CALN1: variants seen among roughly 807,000 people sequenced by gnomAD.
CALN1 encodes calneuron 1, also known as calcium-binding protein 8.
A neutral mutation model predicts 30.6 loss-of-function variants in CALN1; 17 were observed. That is an observed-to-expected ratio of 0.56 (90% confidence interval 0.38 to 0.83). The LOEUF is 0.83. Among genes scored for constraint, CALN1 ranks in the 40% least tolerant of loss-of-function variants. CALN1 has a pLI of 0.00. For missense variants in CALN1, 291 were observed against 354.9 expected, an observed-to-expected ratio of 0.82 and a Z score of 1.45; for synonymous variants, 156 against 131.4, an observed-to-expected ratio of 1.19 and a Z score of -1.28.
chr7:72,108,341 G>A (rs1286981592), intron 3 of CALN1, among the ~76,000 whole-genome samples: 1 of 152,230 alleles, frequency 6.6e-6, no homozygotes, highest in Non-Finnish European at 1.5e-5. Flanking sequence ...TTTTCTGTAA[G>A]ATAGCATTTA....
At chr7:71,993,222 GC>G (rs1281782309) in intron 5 of CALN1, among the ~76,000 whole-genome samples, 1 of 152,124 alleles carries the variant, frequency 6.6e-6, no homozygotes, top group Non-Finnish European at 1.5e-5. Context: ...AGCCTCTGTT[GC>G]CACCTTGACT....
At chr7:71,821,787 T>C (rs1788606831) in intron 5 of CALN1, among the ~76,000 whole-genome samples, 1 of 108,410 alleles carries the variant, frequency 9.2e-6, no homozygotes, top group Non-Finnish European at 1.8e-5. Flanking sequence ...AATGTTTCTT[T>C]CTTTTTTTTT....
intron 1 of CALN1, among the ~76,000 whole-genome samples, chr7:72,419,894 T>C (rs1807552821): frequency 6.6e-6 from 1 of 151,886 alleles, no homozygotes; most frequent in Non-Finnish European, 1.5e-5. Context: ...CCCCACACCA[T>C]CCCCTTTCCA....
At chr7:71,826,665 C>T (rs937256954) in intron 5 of CALN1, among the ~76,000 whole-genome samples, 6 of 152,112 alleles carry the variant, frequency 3.9e-5, no homozygotes, top group East Asian at 3.9e-4. Flanking sequence ...CTTGCCTGCC[C>T]GGCATCAGAT....
At chr7:71,917,413 T>A (rs1422789280) in intron 5 of CALN1, among the ~76,000 whole-genome samples, 1 of 152,194 alleles carries the variant, frequency 6.6e-6, no homozygotes, top group Non-Finnish European at 1.5e-5. Flanking sequence ...AGCAGATTGT[T>A]AAGTATCCTC....
rs6963006 is a variant in CALN1, at chr7:71,810,382, C to T, written c.612G>A (p.Glu204=). 95 of 1,614,036 alleles carry T rather than the reference C, an allele frequency of 5.9e-5. No homozygotes were observed. The highest frequency in any genetic ancestry group is 7.7e-5 in the Non-Finnish European group (91 of 1,180,036). ...DIENIIINEE[E]SLNETSGNCQ... ...AGTTCCCCGAGGTCTCATTCAGGCTCTCTTCCTCATTGATAATGATGTTCT... is the reference window on the plus strand; with the variant it reads ...AGTTCCCCGAGGTCTCATTCAGGCTTTCTTCCTCATTGATAATGATGTTCT... Residue 204 remains glutamate (E), a synonymous_variant, in exon 6 of 7, where the codon GAG becomes GAA. Transcript: ENST00000395275.
chr7:72,179,474 GT>G (rs547032590), intron 3 of CALN1, among the ~76,000 whole-genome samples: 48 of 152,158 alleles, frequency 3.2e-4, no homozygotes, highest in African/African-American at 1.1e-3. Flanking sequence ...AAACCAGCAA[GT>G]TTTCTCTAAT....
At chr7:72,034,182 T>C (rs531610720) in intron 4 of CALN1, among the ~76,000 whole-genome samples, 61 of 151,096 alleles carry the variant, frequency 4.0e-4, no homozygotes, top group African/African-American at 1.3e-3. Context: ...TGGAACCCCG[T>C]CTCTACTAAA....
intron 3 of CALN1, among the ~76,000 whole-genome samples, chr7:72,181,807 A>G (rs1434728291): frequency 6.6e-6 from 1 of 152,180 alleles, no homozygotes; most frequent in Admixed American, 6.5e-5. Context: ...TACTATATGA[A>G]AGTGAAACTT....
chr7:71,933,219 G>T (rs552884820), intron 5 of CALN1, among the ~76,000 whole-genome samples: 5 of 152,098 alleles, frequency 3.3e-5, no homozygotes, highest in African/African-American at 4.8e-5. Flanking sequence ...ACAAGATGGC[G>T]CCAGTTAAGT....
intron 2 of CALN1, among the ~76,000 whole-genome samples, chr7:72,331,544 C>G (rs1801679024): frequency 6.6e-6 from 1 of 152,144 alleles, no homozygotes; most frequent in South Asian, 2.1e-4. Flanking sequence ...AAAATTGGGG[C>G]TTAGCCTGGG....
At chr7:72,118,412 ATTTC>A (rs1426373322) in intron 3 of CALN1, among the ~76,000 whole-genome samples, 1 of 152,206 alleles carries the variant, frequency 6.6e-6, no homozygotes, top group African/African-American at 2.4e-5. Flanking sequence ...CATGAAAAGT[ATTTC>A]TTTCTTAAGC....
At chr7:72,208,345 A>G (rs898664318) in intron 3 of CALN1, among the ~76,000 whole-genome samples, 3 of 152,242 alleles carry the variant, frequency 2.0e-5, no homozygotes, top group African/African-American at 4.8e-5. Context: ...GGTGGTTTCT[A>G]ATAAGTTTGG....
chr7:72,191,648 G>T (rs552484639), intron 3 of CALN1, among the ~76,000 whole-genome samples: 2 of 151,986 alleles, frequency 1.3e-5, no homozygotes, highest in East Asian at 1.9e-4. Context: ...AGGACATGAG[G>T]CTGGTCAAAT....
chr7:72,054,482 TATATATATACATATATAC>T lies in CALN1; in HGVS notation c.389-30731_389-30714del, dbSNP rs1803091697. 2.9e-4 allele frequency among the ~76,000 whole-genome samples: 12 copies of T among 40,870 alleles called. 1 individual carries two copies. The highest frequency in any genetic ancestry group is 6.0e-4 in the Non-Finnish European group (10 of 16,626). The allele number at this position is 40,870 out of a possible 152,430, so 26.8% of individuals were successfully genotyped here. On this transcript the variant is annotated intron_variant, in intron 4 of 6. Transcript: ENST00000395275. ...ACATATATATACATATATACATACA[TATATATATACATATATAC>T]ATATATATACATATATATACATATA...
At chr7:72,397,714 T>TCTCACACACACACACACACACACACACA (rs142607076) in intron 2 of CALN1, among the ~76,000 whole-genome samples, 2 of 142,806 alleles carry the variant, frequency 1.4e-5, no homozygotes, top group Non-Finnish European at 3.0e-5. Flanking sequence ...CCATTCTCTC[T>TCTCACACACACACACACACACACACACA]CACACACACA....
At chr7:71,944,466 T>C (rs1436365598) in intron 5 of CALN1, among the ~76,000 whole-genome samples, 2 of 151,436 alleles carry the variant, frequency 1.3e-5, no homozygotes, top group African/African-American at 2.4e-5. Context: ...TGGTGGCACA[T>C]GCCTGTAATC....
chr7:71,791,881 G>A (rs1263657358), intron 6 of CALN1, among the ~76,000 whole-genome samples: 1 of 152,134 alleles, frequency 6.6e-6, no homozygotes, highest in Non-Finnish European at 1.5e-5. Context: ...CGTGTTGGCG[G>A]GCGCCTGCAG....
chr7:71,969,805 G>A (rs1797707212), intron 5 of CALN1, among the ~76,000 whole-genome samples: 1 of 151,596 alleles, frequency 6.6e-6, no homozygotes, highest in Admixed American at 6.6e-5. Context: ...TGGGGCCAAT[G>A]GGTACAGGCT....
Sources: gnomAD v4.1 joint callset for allele counts (sites outside exome capture counted in the v4.1 genomes callset) on GRCh38, gnomAD v4.1.1 for gene constraint, MANE v1.5 for transcripts, NCBI Gene and HGNC (gene_info 2026-07-23, HGNC 2026-07-21) for gene names.